The following LRP1B variants were observed in gnomAD, a reference collection of about 807,000 sequenced individuals.
LRP1B encodes the protein LDL receptor related protein 1B, also known as low-density lipoprotein receptor-related protein 1B.
Under a neutral mutation model 556.6 loss-of-function variants are expected in LRP1B, and 217 were observed. The observed-to-expected ratio is 0.39, with a 90% CI of 0.35 to 0.44. LRP1B has a LOEUF of 0.44. LRP1B is among the 20% of genes least tolerant of loss of function. LRP1B has a pLI of 1.00. For synonymous variants in LRP1B, 2,047 were observed against 1,865.8 expected (o/e 1.10, Z -2.50); for missense variants, 5,053 against 5,620.8 (o/e 0.90, Z 3.23).
At chr2:141,675,974 T>C (rs1395081515) in intron 2 of LRP1B, among the ~76,000 whole-genome samples, 2 of 152,100 alleles carry the variant, frequency 1.3e-5, no homozygotes, top group African/African-American at 2.4e-5. Context: ...ATTAATGATT[T>C]GAAGTTTACA....
At chr2:140,562,115 A>C (rs1680952369) in intron 43 of LRP1B, among the ~76,000 whole-genome samples, 1 of 152,078 alleles carries the variant, frequency 6.6e-6, no homozygotes, top group African/African-American at 2.4e-5. Flanking sequence ...GACAATCTAC[A>C]AGCTAACACA....
intron 7 of LRP1B, among the ~76,000 whole-genome samples, chr2:141,172,247 G>A (rs1460997080): frequency 1.3e-5 from 2 of 152,018 alleles, no homozygotes; most frequent in African/African-American, 2.4e-5. Flanking sequence ...AGGCCAGGAT[G>A]CTCCATGTAG....
intron 1 of LRP1B, among the ~76,000 whole-genome samples, chr2:142,044,731 C>T (rs962775877): frequency 6.6e-6 from 1 of 151,612 alleles, no homozygotes; most frequent in East Asian, 1.9e-4. Context: ...GTCAAAAATA[C>T]ATCAAGGGGC....
intron 3 of LRP1B, among the ~76,000 whole-genome samples, chr2:141,285,752 G>A (rs1362724175): frequency 1.5e-4 from 21 of 140,792 alleles, no homozygotes; most frequent in Non-Finnish European, 2.2e-4. Context: ...CACCGAGCCC[G>A]GCCAAGAATA....
chr2:142,018,807 G>T (rs1703235327), intron 1 of LRP1B, among the ~76,000 whole-genome samples: 1 of 151,168 alleles, frequency 6.6e-6, no homozygotes, highest in Admixed American at 6.6e-5. Context: ...TTCCCCAGAA[G>T]CCAGATTTGG....
intron 7 of LRP1B, among the ~76,000 whole-genome samples, chr2:141,133,542 G>A (rs568057841): frequency 6.6e-6 from 1 of 152,020 alleles, no homozygotes; most frequent in South Asian, 2.1e-4. Context: ...AAGATTAAAG[G>A]AACAATAGCT....
At chr2:141,495,476 A>G (rs1022247359) in intron 2 of LRP1B, among the ~76,000 whole-genome samples, 2 of 152,180 alleles carry the variant, frequency 1.3e-5, no homozygotes, top group African/African-American at 4.8e-5. Flanking sequence ...CCCAGTTTCA[A>G]TCTGGCCTTA....
chr2:140,525,817 C>T (rs1405127629), intron 49 of LRP1B, 27 bp downstream of exon 49: 12 of 1,604,552 alleles, frequency 7.5e-6, no homozygotes, highest in Non-Finnish European at 1.0e-5. Context: ...AAGGCAAAGC[C>T]TGTGTTTTTC....
intron 1 of LRP1B, among the ~76,000 whole-genome samples, chr2:142,074,187 C>T (rs1705419944): frequency 6.6e-6 from 1 of 151,968 alleles, no homozygotes; most frequent in Admixed American, 6.6e-5. Flanking sequence ...GTTGCCCTAC[C>T]AATTCGCTGA....
intron 2 of LRP1B, among the ~76,000 whole-genome samples, chr2:141,531,284 T>C (rs2105191972): frequency 6.9e-6 from 1 of 145,358 alleles, no homozygotes; most frequent in Non-Finnish European, 1.5e-5. Context: ...CACGTTAATA[T>C]TTCCTCATAT....
intron 3 of LRP1B, among the ~76,000 whole-genome samples, chr2:141,330,399 T>C (rs1412523897): frequency 6.6e-6 from 1 of 151,950 alleles, no homozygotes; most frequent in African/African-American, 2.4e-5. Flanking sequence ...TCTATATGTG[T>C]TTCACATGAA....
chr2:141,348,802 T>C (rs1521106), intron 3 of LRP1B, among the ~76,000 whole-genome samples: 85,171 of 151,380 alleles, frequency 0.56, 24,658 homozygotes, highest in Non-Finnish European at 0.6. Context: ...CCAAGTGCTG[T>C]GGGAGGGACC....
At chr2:141,587,187 C>G (rs1288709498) in intron 2 of LRP1B, among the ~76,000 whole-genome samples, 1 of 151,966 alleles carries the variant, frequency 6.6e-6, no homozygotes, top group East Asian at 1.9e-4. Flanking sequence ...TTTGTCTTAT[C>G]AGCAAAAAAG....
At chr2:140,402,857 G>A (rs1684566862) in intron 66 of LRP1B, among the ~76,000 whole-genome samples, 2 of 152,150 alleles carry the variant, frequency 1.3e-5, no homozygotes, top group South Asian at 2.1e-4. Flanking sequence ...AAATACTGAG[G>A]AAAAATTAAG....
intron 2 of LRP1B, among the ~76,000 whole-genome samples, chr2:141,553,505 A>C (rs1218163651): frequency 6.6e-6 from 1 of 151,550 alleles, no homozygotes; most frequent in Non-Finnish European, 1.5e-5. Flanking sequence ...ACAGGCAAAC[A>C]TCTGCATAAA....
Position 140,739,570 on chromosome 2 carries a change from T to A in LRP1B, c.5759-22754A>T, listed in dbSNP as rs898183514. On this transcript the variant is annotated intron_variant, in intron 35 of 90. Transcript: ENST00000389484. ...AGATTAAACTTAAACAAACGCCTAATACCACATACTGAGTTTCTTATCATG... is the reference window on the plus strand; with the variant it reads ...AGATTAAACTTAAACAAACGCCTAAAACCACATACTGAGTTTCTTATCATG... 2.0e-5 allele frequency among the ~76,000 whole-genome samples: 3 copies of A among 152,196 alleles called. No individual in the cohort carries two copies. The East Asian group carries it at 5.8e-4, about 29-fold the overall frequency.
intron 37 of LRP1B, 139 bp from the exon 38 acceptor site, chr2:140,702,692 T>C (rs1329699995): frequency 1.4e-6 from 1 of 731,142 alleles, no homozygotes; most frequent in Non-Finnish European, 2.2e-6. Context: ...TAATATACAG[T>C]GTGCTTATGG....
intron 7 of LRP1B, among the ~76,000 whole-genome samples, chr2:141,128,740 C>T (rs1445685725): frequency 6.6e-6 from 1 of 152,186 alleles, no homozygotes; most frequent in Non-Finnish European, 1.5e-5. Flanking sequence ...CCTACCTCAG[C>T]CTCCCGAGTA....
intron 86 of LRP1B, among the ~76,000 whole-genome samples, chr2:140,252,191 T>C (rs1442817357): frequency 1.3e-5 from 2 of 151,438 alleles, no homozygotes; most frequent in Non-Finnish European, 3.0e-5. Context: ...TTTCCATCTG[T>C]TATTTTTTTG....
Sources: gnomAD v4.1 joint callset for allele counts (sites outside exome capture counted in the v4.1 genomes callset) on GRCh38, gnomAD v4.1.1 for gene constraint, MANE v1.5 for transcripts, NCBI Gene and HGNC (gene_info 2026-07-23, HGNC 2026-07-21) for gene names.